Variants in RSPH6A observed in about 807,000 individuals in gnomAD.
RSPH6A encodes the protein radial spoke head protein 6 homolog A.
In RSPH6A, 49 loss-of-function variants were observed where a neutral mutation model predicts 66.1. That is an observed-to-expected ratio of 0.74 (90% confidence interval 0.59 to 0.94). The LOEUF (loss-of-function observed/expected upper bound fraction) is 0.94, where lower values mean the gene tolerates loss of function less well. Ranked by LOEUF, RSPH6A falls within the 40% of genes least tolerant of loss-of-function variation. The probability of loss-of-function intolerance (pLI) is 0.00; values close to 1 mark genes in which losing one functional copy is unlikely to be tolerated. For synonymous variants in RSPH6A, 419 were observed against 402.4 expected (o/e 1.04, Z -0.49); for missense variants, 977 against 948.3 (o/e 1.03, Z -0.40).
chr19:45,804,484 G>A lies in RSPH6A; in HGVS notation c.1421C>T (p.Pro474Leu), dbSNP rs76423334. The stretch of plus-strand genomic sequence containing the variant: ...CCGCAGGTAGTTGGCCTCGTTGCCC[G>A]GGAAGGGTGGGTAGCTGACGACTGG... ...DTPVVSYPPF[P>L]GNEANYLRAQ... The change falls in exon 3 of 6, where the codon CCG becomes CTG. Residue 474 changes from proline to leucine, a missense_variant. By Grantham distance (98) the Pro-to-Leu change is moderately conservative. Coordinates refer to ENST00000221538, the MANE Select transcript of RSPH6A (RefSeq NM_030785.4). This position sits in a 1 kb window ranked among gnomAD's most constrained non-coding sequence, Gnocchi z 5.8. 609 of 1,614,138 alleles carry A rather than the reference G, an allele frequency of 3.8e-4. 5 individuals are homozygous for A. In the East Asian group the frequency reaches 0.011, roughly 28 times the overall value.
At position 45,811,918 on chromosome 19, in the gene RSPH6A, C is replaced by T. The variant is rs1401084834; in HGVS notation, c.651-1078G>A. On this transcript the variant is annotated intron_variant, in intron 1 of 5. Coordinates refer to ENST00000221538, the MANE Select transcript of RSPH6A (RefSeq NM_030785.4). ...GCCTCGGCCTCCTGAGTAGCTGGGA[C>T]TACAGGTGCACACCACCATCCCCGG... Among the ~76,000 whole-genome samples, 8 of 150,128 alleles carry T rather than the reference C, an allele frequency of 5.3e-5. No individual in the cohort carries two copies. The East Asian group carries it at 1.4e-3, about 26-fold the overall frequency.
Position 45,810,725 on chromosome 19 carries a change from G to C in RSPH6A, c.766C>G (p.Leu256Val), listed in dbSNP as rs991653020. ...TCGGGGTCGTCCCGCAGCGTGTCCA[G>C]CTTGGGGTGGAACCACTCCCACTGC... is the stretch of plus-strand genomic sequence containing the variant. Reference protein sequence around the residue: ...TTQWEWFHPKLDTLRDDPEMQ... With the variant: ...TTQWEWFHPKVDTLRDDPEMQ... The change falls in exon 2 of 6, where the codon CTG (leucine) becomes GTG (valine). Residue 256 changes from leucine (L) to valine (V), a missense_variant. Physicochemically the swap from Leu to Val is conservative, Grantham distance 32. Transcript: ENST00000221538. 5 of 1,614,002 alleles carry C rather than the reference G, an allele frequency of 3.1e-6. No individual in the cohort carries two copies. Among genetic ancestry groups the C allele is most frequent in the Admixed American group, 1.7e-5 (1 of 59,998 alleles).
Position 45,814,608 on chromosome 19 carries a change from G to A in RSPH6A, c.569C>T (p.Pro190Leu). The change falls in exon 1 of 6, where the codon CCT (proline) becomes CTT (leucine). Residue 190 changes from proline (P) to leucine (L), a missense_variant. Coordinates refer to ENST00000221538, the MANE Select transcript of RSPH6A (RefSeq NM_030785.4). ...LGFPHYSAQV[P>L]EPEPLELAVQ... ...GGCCAGCTCCAGAGGCTCGGGCTCAGGCACCTGGGCACTGTAGTGTGGGAA... is the reference window on the plus strand; with the variant it reads ...GGCCAGCTCCAGAGGCTCGGGCTCAAGCACCTGGGCACTGTAGTGTGGGAA... 1 of 1,576,498 alleles carries A rather than the reference G, an allele frequency of 6.3e-7. No individual in the cohort carries two copies. The highest frequency in any genetic ancestry group is 8.6e-7 in the Non-Finnish European group (1 of 1,162,828).
Position 45,804,575 on chromosome 19 carries a change from C to A in RSPH6A, c.1330G>T (p.Val444Phe). 1 of 1,614,150 alleles carries A rather than the reference C, an allele frequency of 6.2e-7. No homozygotes were observed. Among genetic ancestry groups the A allele is most frequent in the Non-Finnish European group, 8.5e-7 (1 of 1,180,036 alleles). ...PGLPWTRLPH[V>F]TPAQIVNARK... ...GCGTTCACGATCTGGGCTGGAGTGA[C>A]GTGGGGCAGCCGCGTCCATGGCAGG... The change falls in exon 3 of 6, where the codon GTC becomes TTC. Residue 444 changes from valine to phenylalanine, a missense_variant. Transcript: ENST00000221538. The surrounding 1 kb of genome is among the most constrained non-coding windows in gnomAD (Gnocchi z 5.8).
intron 4 of RSPH6A, among the ~76,000 whole-genome samples, chr19:45,800,774 ACTCT>A (rs1347632127): frequency 9.5e-6 from 1 of 105,094 alleles, no homozygotes; most frequent in Non-Finnish European, 1.8e-5. Context: ...ACACACACAC[ACTCT>A]CTCTCTCTCT....
chr19:45,809,632 T>TG (rs1170485984), intron 2 of RSPH6A, among the ~76,000 whole-genome samples: 1 of 152,090 alleles, frequency 6.6e-6, no homozygotes, highest in African/African-American at 2.4e-5. Context: ...GGTTCAGTGA[T>TG]GGGGAGAATT....
intron 5 of RSPH6A, among the ~76,000 whole-genome samples, chr19:45,800,071 C>T (rs1289735875): frequency 2.6e-5 from 4 of 152,016 alleles, no homozygotes; most frequent in African/African-American, 9.7e-5. Flanking sequence ...AAAACAAAAC[C>T]ACAAACAAGA....
chr19:45,796,687 A>G (rs909587586), intron 5 of RSPH6A, among the ~76,000 whole-genome samples: 2 of 151,470 alleles, frequency 1.3e-5, no homozygotes, highest in African/African-American at 4.9e-5. Flanking sequence ...TAATTTTTAT[A>G]TTTTTAGTAG....
chr19:45,797,380 C>CA (rs1214975588), intron 5 of RSPH6A, among the ~76,000 whole-genome samples: 3,103 of 67,944 alleles, frequency 0.046, 82 homozygotes, highest in African/African-American at 0.14. Flanking sequence ...GACTCTGTCT[C>CA]AAAAAAAAAA....
intron 5 of RSPH6A, among the ~76,000 whole-genome samples, chr19:45,799,626 C>T (rs1970445688): frequency 6.6e-6 from 1 of 152,258 alleles, no homozygotes; most frequent in South Asian, 2.1e-4. Context: ...AATCCTCCCA[C>T]CTTGGCAACC....
chr19:45,797,155 T>G (rs894684256), intron 5 of RSPH6A, among the ~76,000 whole-genome samples: 1 of 151,660 alleles, frequency 6.6e-6, no homozygotes, highest in East Asian at 2.0e-4. Context: ...GGCGGGCGGA[T>G]CACAAGGTCA....
rs1555790879 is a variant in RSPH6A at position 45,795,891 on chromosome 19, T to TCCTCCTCCTCGC, written c.2131_2132insGCGAGGAGGAGG (p.Glu710_Glu711insGlyGluGluGlu). ...GCCTCAGTCATCTGTCTCCTCGCCC[T>TCCTCCTCCTCGC]CCTCCTCCTCCTCGCCCTCCTCCTC... On this transcript the variant is annotated inframe_insertion, in exon 6 of 6. Transcript: ENST00000221538. 12 of 1,285,228 alleles carry TCCTCCTCCTCGC rather than the reference T, an allele frequency of 9.3e-6. No individual in the cohort carries two copies. Among genetic ancestry groups the TCCTCCTCCTCGC allele is most frequent in the Admixed American group, 9.0e-5 (4 of 44,522 alleles). The allele number at this position is 1,285,228 out of a possible 1,614,324, so 79.6% of individuals were successfully genotyped here. A position where few individuals can be genotyped will look rare whatever the true frequency, so the allele number is the denominator to read the frequency against.
Position 45,814,862 on chromosome 19 carries a change from A to G in RSPH6A, c.315T>C (p.Asp105=), listed in dbSNP as rs1970682881. The change falls in exon 1 of 6, where the codon GAT becomes GAC. Residue 105 remains aspartate (D), a synonymous_variant. Transcript: ENST00000221538. ...PSEFQPQPYS[D]ESRMQVAELT... Reference sequence around the variant, plus strand: ...GCTCGGCGACCTGCATCCTGCTTTCATCAGAGTAAGGCTGAGGCTGGAACT... The same window carrying G: ...GCTCGGCGACCTGCATCCTGCTTTCGTCAGAGTAAGGCTGAGGCTGGAACT... 6.2e-7 allele frequency: 1 copy of G among 1,614,106 alleles called. No individual in the cohort carries two copies. Among genetic ancestry groups the G allele is most frequent in the Non-Finnish European group, 8.5e-7 (1 of 1,180,018 alleles).
Position 45,800,774 on chromosome 19 carries a change from A to ACACACT in RSPH6A, c.1799-212_1799-211insAGTGTG, listed in dbSNP as rs1491172653. 2.0e-3 allele frequency among the ~76,000 whole-genome samples: 212 copies of ACACACT among 105,074 alleles called. 1 individual carries two copies. Among genetic ancestry groups the ACACACT allele is most frequent in the African/African-American group, 7.8e-3 (202 of 25,830 alleles). 68.9% of individuals were successfully genotyped at this position (105,074 alleles called of 152,430 possible). A position where few individuals can be genotyped will look rare whatever the true frequency, so the allele number is the denominator to read the frequency against. On this transcript the variant is annotated intron_variant, in intron 4 of 5. Coordinates refer to ENST00000221538, the MANE Select transcript of RSPH6A (RefSeq NM_030785.4). ...CACACACACACACACACACACACAC[A>ACACACT]CTCTCTCTCTCTCTCTCGCTCTCTT...
intron 4 of RSPH6A, 124 bp from the exon 5 acceptor site, chr19:45,800,687 C>A: frequency 1.6e-6 from 1 of 629,814 alleles, no homozygotes; most frequent in East Asian, 3.3e-5. Flanking sequence ...GGAACTATAG[C>A]CACCAACAGC....
At position 45,804,705 on chromosome 19, in the gene RSPH6A, C is replaced by A; in HGVS notation, c.1200G>T (p.Val400=). ...TCCATACGGACTTAGGGACGATGTC[C>A]ACGGCCTTCTCCTCGTCCTCCTCGC... The part of the protein sequence containing the change: ...EEGEEDEEKA[V]DIVPKSVWKP... Residue 400 remains valine (V), a synonymous_variant, in exon 3 of 6, where the codon GTG becomes GTT. Transcript: ENST00000221538. This position sits in a 1 kb window ranked among gnomAD's most constrained non-coding sequence, Gnocchi z 5.8. 3 of 1,613,722 alleles carry A rather than the reference C, an allele frequency of 1.9e-6. No individual in the cohort carries two copies. The highest frequency in any genetic ancestry group is 1.7e-6 in the Non-Finnish European group (2 of 1,179,924).
intron 2 of RSPH6A, among the ~76,000 whole-genome samples, chr19:45,806,486 C>A (rs1320778241): frequency 6.6e-6 from 1 of 151,754 alleles, no homozygotes; most frequent in African/African-American, 2.4e-5. Flanking sequence ...TCCTGGCCAA[C>A]ATGGTGAAAT....
At chr19:45,813,516 G>GT (rs1466981194) in intron 1 of RSPH6A, among the ~76,000 whole-genome samples, 1 of 151,886 alleles carries the variant, frequency 6.6e-6, no homozygotes, top group Non-Finnish European at 1.5e-5. Context: ...GATAATTTTT[G>GT]TATTTTTTAG....
chr19:45,802,029 C>T lies in RSPH6A; in HGVS notation c.1798+91G>A, dbSNP rs566701492. On this transcript the variant is annotated intron_variant, in intron 4 of 5. Transcript: ENST00000221538. ...GCCTCTGAGCCTGGGAGGGAAGGAC[C>T]GGGGAGATGGACCCCAGCAGTCCAG... The T allele has an allele frequency of 2.6e-5, 33 of 1,262,796 alleles. No homozygotes were observed. The East Asian group carries it at 4.9e-4, about 19-fold the overall frequency. The allele number at this position is 1,262,796 out of a possible 1,614,324, so 78.2% of individuals were successfully genotyped here.
Sources: allele counts gnomAD v4.1 joint callset (sites outside exome capture counted in the v4.1 genomes callset), GRCh38; gene constraint gnomAD v4.1.1; non-coding constraint Gnocchi (gnomAD v3.1); transcripts MANE v1.5; gene names NCBI Gene and HGNC (gene_info 2026-07-23, HGNC 2026-07-21).